The following PSD3 variants were observed in gnomAD, a reference collection of about 807,000 sequenced individuals.
The protein encoded by PSD3 is pleckstrin and Sec7 domain containing 3, also known as PH and SEC7 domain-containing protein 3.
Under a neutral mutation model 105.5 loss-of-function variants are expected in PSD3, and 49 were observed. The observed-to-expected ratio is 0.46, with a 90% CI of 0.37 to 0.59. The LOEUF is 0.59. PSD3 is among the 20% of genes least tolerant of loss of function. The pLI, the probability that PSD3 is intolerant of heterozygous loss-of-function variation, is 0.00. For synonymous variants in PSD3, 557 were observed against 457.8 expected (o/e 1.22, Z -2.77); for missense variants, 1,561 against 1,263.8 (o/e 1.24, Z -3.57).
chr8:18,787,187 T>A (rs1809248648), intron 8 of PSD3, among the ~76,000 whole-genome samples: 1 of 152,204 alleles, frequency 6.6e-6, no homozygotes, highest in Non-Finnish European at 1.5e-5. Flanking sequence ...CTTCCCAAAT[T>A]AGTTTTGGAT....
intron 1 of PSD3, among the ~76,000 whole-genome samples, chr8:19,024,979 G>T (rs1169167015): frequency 6.6e-6 from 1 of 152,102 alleles, no homozygotes; most frequent in Non-Finnish European, 1.5e-5. Flanking sequence ...CCTGAGAAAG[G>T]GGTCACAGTG....
At chr8:18,623,061 C>G (rs1236411055) in intron 11 of PSD3, among the ~76,000 whole-genome samples, 1 of 151,980 alleles carries the variant, frequency 6.6e-6, no homozygotes, top group Non-Finnish European at 1.5e-5. Flanking sequence ...TTCAAAAAAT[C>G]TTTTTGTAGA....
At chr8:18,740,586 C>T (rs565254694) in intron 9 of PSD3, among the ~76,000 whole-genome samples, 10 of 152,250 alleles carry the variant, frequency 6.6e-5, no homozygotes, top group African/African-American at 2.2e-4. Context: ...GACAGCCCCT[C>T]GGTTTCATTA....
At chr8:18,828,647 A>G (rs1217581257) in intron 4 of PSD3, among the ~76,000 whole-genome samples, 1 of 152,014 alleles carries the variant, frequency 6.6e-6, no homozygotes, top group African/African-American at 2.4e-5. Flanking sequence ...CCAATCAATC[A>G]ATCAATACAA....
At chr8:18,881,296 G>C (rs1818086446) in intron 2 of PSD3, among the ~76,000 whole-genome samples, 1 of 152,076 alleles carries the variant, frequency 6.6e-6, no homozygotes, top group Admixed American at 6.6e-5. Flanking sequence ...TCTGTTTCTG[G>C]AACACAGGGA....
At chr8:18,740,736 C>T (rs978380964) in intron 9 of PSD3, among the ~76,000 whole-genome samples, 1 of 152,194 alleles carries the variant, frequency 6.6e-6, no homozygotes, top group African/African-American at 2.4e-5. Context: ...GAAATCCTCT[C>T]TCTCACTCAT....
At chr8:18,690,488 G>C (rs1563173883) in intron 9 of PSD3, among the ~76,000 whole-genome samples, 1 of 152,072 alleles carries the variant, frequency 6.6e-6, no homozygotes, top group Non-Finnish European at 1.5e-5. Flanking sequence ...TCTAGTCTAG[G>C]GATCTATTTT....
chr8:18,762,707 A>G (rs1419225986), intron 9 of PSD3, among the ~76,000 whole-genome samples: 3 of 152,232 alleles, frequency 2.0e-5, no homozygotes, highest in East Asian at 1.9e-4. Flanking sequence ...AAAGGGCTCA[A>G]TGTATCATCT....
intron 4 of PSD3, among the ~76,000 whole-genome samples, chr8:18,838,108 T>C (rs1300650160): frequency 6.6e-6 from 1 of 152,236 alleles, no homozygotes; most frequent in Non-Finnish European, 1.5e-5. Context: ...CTTAACTCAT[T>C]AATAATTTGT....
intron 15 of PSD3, among the ~76,000 whole-genome samples, chr8:18,540,461 G>A (rs2129961104): frequency 6.6e-6 from 1 of 152,280 alleles, no homozygotes; most frequent in South Asian, 2.1e-4. Flanking sequence ...TAGGGAGAAA[G>A]CTTAGGGATA....
At chr8:18,752,593 TTATA>T (rs1403862847) in intron 9 of PSD3, among the ~76,000 whole-genome samples, 2 of 80,188 alleles carry the variant, frequency 2.5e-5, no homozygotes, top group Non-Finnish European at 4.1e-5. Context: ...ATATTATATA[TTATA>T]TATTATATAT....
At chr8:18,652,128 T>A (rs935432795) in intron 10 of PSD3, among the ~76,000 whole-genome samples, 3 of 152,102 alleles carry the variant, frequency 2.0e-5, no homozygotes, top group African/African-American at 7.2e-5. Context: ...GCTGGTGTCA[T>A]TAATAGAAAT....
intron 1 of PSD3, among the ~76,000 whole-genome samples, chr8:18,997,966 T>A (rs548789659): frequency 2.0e-5 from 3 of 152,050 alleles, no homozygotes; most frequent in Admixed American, 2.0e-4. Flanking sequence ...TGTCTTACCT[T>A]GTAAGAACAA....
chr8:18,789,816 A>T (rs760893214), intron 8 of PSD3, among the ~76,000 whole-genome samples: 1 of 152,188 alleles, frequency 6.6e-6, no homozygotes, highest in South Asian at 2.1e-4. Flanking sequence ...CTTCCTCCAC[A>T]ATCAATTTGC....
chr8:18,580,245 C>T (rs1190067834), intron 12 of PSD3, among the ~76,000 whole-genome samples: 1 of 151,960 alleles, frequency 6.6e-6, no homozygotes, highest in Non-Finnish European at 1.5e-5. Context: ...GACAGGAGAC[C>T]AGGCCAGAGA....
intron 14 of PSD3, among the ~76,000 whole-genome samples, chr8:18,570,862 T>C (rs1235215664): frequency 6.7e-6 from 1 of 149,842 alleles, no homozygotes; most frequent in Admixed American, 6.7e-5. Flanking sequence ...TTATTATTAT[T>C]ATTATTATTA....
chr8:18,814,314 A>T (rs1016964912), intron 4 of PSD3, among the ~76,000 whole-genome samples: 13 of 152,286 alleles, frequency 8.5e-5, no homozygotes, highest in Non-Finnish European at 1.6e-4. Flanking sequence ...ACTATTCCAG[A>T]AGAGGGCACC....
chr8:18,930,591 G>T (rs537619696), intron 2 of PSD3, among the ~76,000 whole-genome samples: 3 of 137,262 alleles, frequency 2.2e-5, no homozygotes, highest in African/African-American at 8.4e-5. Context: ...TTTTTTTTGA[G>T]ATGGAGTCTC....
At chr8:18,772,480 G>A (rs1761352543) in intron 8 of PSD3, among the ~76,000 whole-genome samples, 1 of 152,114 alleles carries the variant, frequency 6.6e-6, no homozygotes, top group African/African-American at 2.4e-5. Context: ...AGAGAATGTT[G>A]AGTATGTTTT....
Sources: allele counts gnomAD v4.1 joint callset (sites outside exome capture counted in the v4.1 genomes callset), GRCh38; gene constraint gnomAD v4.1.1; transcripts MANE v1.5; gene names NCBI Gene and HGNC (gene_info 2026-07-23, HGNC 2026-07-21).